Variants in ANKRD16 observed in about 807,000 individuals in gnomAD.
ANKRD16 encodes the protein ankyrin repeat domain-containing protein 16.
ANKRD16 carries 35 observed loss-of-function variants against 37.9 expected under a neutral mutation model. The ratio of observed to expected loss-of-function variants is 0.92; its 90% CI spans 0.71 to 1.23. ANKRD16 has a LOEUF of 1.23. ANKRD16 is among the 50% of genes most tolerant of loss of function. The pLI is 0.00. For missense variants in ANKRD16, 480 were observed against 469.9 expected (o/e 1.02, Z -0.20); for synonymous variants, 206 against 197.2 (o/e 1.04, Z -0.37).
Position 5,887,995 on chromosome 10 carries a change from A to G in ANKRD16, c.387T>C (p.Asn129=), listed in dbSNP as rs769183503. The part of the protein sequence containing the change: ...VIQELVEHGA[N]PLLKNKDGWN... ...AGCCATCTTTGTTCTTCAGGAGTGG[A>G]TTGGCGCCATGTTCCACCAGCTCCT... is the stretch of plus-strand genomic sequence containing the variant. The change falls in exon 2 of 8, where the codon AAT becomes AAC. Residue 129 remains asparagine, a synonymous_variant. Transcript: ENST00000380094. The G allele has an allele frequency of 6.2e-7, 1 of 1,614,178 alleles. No individual in the cohort carries two copies. Among genetic ancestry groups the G allele is most frequent in the Non-Finnish European group, 8.5e-7 (1 of 1,180,026 alleles).
Position 5,874,048 on chromosome 10 carries a change from G to A in ANKRD16, c.*33+4049C>T, listed in dbSNP as rs527437262. Among the ~76,000 whole-genome samples the A allele has an allele frequency of 1.5e-3, 227 of 151,864 alleles. 1 individual carries two copies. In the South Asian group the frequency reaches 0.021, roughly 14 times the overall value. ...TGGGATTACAGGCGGGTGCCACCAC[G>A]CCTGGCTAATTTTTGTATTTTTAGT... On this transcript the variant is annotated intron_variant, in intron 7 of 7. Transcript: ENST00000380094. This position sits in a 1 kb window ranked among gnomAD's most constrained non-coding sequence, Gnocchi z 4.7.
chr10:5,887,706 C>A (rs1042964384), intron 2 of ANKRD16, 141 bp downstream of exon 2: 1 of 186,344 alleles, frequency 5.4e-6, no homozygotes, highest in Non-Finnish European at 1.1e-5. Flanking sequence ...CCCCCTCCCC[C>A]CCAGATGTTC....
rs1842474800 is a variant in ANKRD16 at position 5,888,022 on chromosome 10, G to C, written c.360C>G (p.Ile120Met). Residue 120 changes from isoleucine (I) to methionine (M), a missense_variant, in exon 2 of 8, where the codon ATC (isoleucine) becomes ATG (methionine). Physicochemically the swap from Ile to Met is conservative, Grantham distance 10. Coordinates refer to ENST00000380094, the MANE Select transcript of ANKRD16 (RefSeq NM_019046.3). Reference sequence around the variant, plus strand: ...TGGCGCCATGTTCCACCAGCTCCTGGATCACCCCCAGGTTCTTCCTTGTGC... The same window carrying C: ...TGGCGCCATGTTCCACCAGCTCCTGCATCACCCCCAGGTTCTTCCTTGTGC... ...MACTRKNLGVIQELVEHGANP... is the reference protein window; with the variant it reads ...MACTRKNLGVMQELVEHGANP... 1 of 1,614,168 alleles carries C rather than the reference G, an allele frequency of 6.2e-7. No individual in the cohort carries two copies. Among genetic ancestry groups the C allele is most frequent in the South Asian group, 1.1e-5 (1 of 91,084 alleles).
In ANKRD16 at chr10:5,871,261, C is replaced by T. The variant is rs1193851278; in HGVS notation, c.*33+6836G>A. On this transcript the variant is annotated intron_variant, in intron 7 of 7. Transcript: ENST00000380094. The surrounding 1 kb of genome is among the most constrained non-coding windows in gnomAD (Gnocchi z 4.5). ...AATTAGCCAGGTGTGGAGGCGCACG[C>T]CTGTAATCCCAGCTACTCAGGAGGC... Among the ~76,000 whole-genome samples the T allele has an allele frequency of 6.6e-6, 1 of 152,106 alleles. No homozygotes were observed. The highest frequency in any genetic ancestry group is 2.4e-5 in the African/African-American group (1 of 41,406).
intron 7 of ANKRD16, among the ~76,000 whole-genome samples, chr10:5,877,173 C>T (rs751008762): frequency 5.5e-4 from 84 of 152,136 alleles, no homozygotes; most frequent in Non-Finnish European, 1.1e-3. Context: ...AGTGCAGTGG[C>T]GCTATCTCAG....
rs369942633 is a variant in ANKRD16, at chr10:5,871,111, G to T, written c.*33+6986C>A. 6.6e-6 allele frequency among the ~76,000 whole-genome samples: 1 copy of T among 152,192 alleles called. No individual in the cohort carries two copies. Among genetic ancestry groups the T allele is most frequent in the Admixed American group, 6.5e-5 (1 of 15,272 alleles). On this transcript the variant is annotated intron_variant, in intron 7 of 7. Transcript: ENST00000380094. The surrounding 1 kb of genome is among the most constrained non-coding windows in gnomAD (Gnocchi z 4.5). Reference sequence around the variant, plus strand: ...AGTAAAAATCATGTCACGCAGCCAGGCTTGGTGGTTCACGCCTGTAATCCC... The same window carrying T: ...AGTAAAAATCATGTCACGCAGCCAGTCTTGGTGGTTCACGCCTGTAATCCC...
rs960408198 is a variant in ANKRD16 at position 5,871,720 on chromosome 10, C to A, written c.*33+6377G>T. On this transcript the variant is annotated intron_variant, in intron 7 of 7. Coordinates refer to ENST00000380094, the MANE Select transcript of ANKRD16 (RefSeq NM_019046.3). This position sits in a 1 kb window ranked among gnomAD's most constrained non-coding sequence, Gnocchi z 4.5. ...TTCTAAGCCTACTTCCCACACCTTC[C>A]GAAGAGCCTTATCCCACAGAGCCCT... Among the ~76,000 whole-genome samples, 1 of 152,176 alleles carries A rather than the reference C, an allele frequency of 6.6e-6. No individual in the cohort carries two copies. Among genetic ancestry groups the A allele is most frequent in the Admixed American group, 6.5e-5 (1 of 15,274 alleles).
chr10:5,872,407 A>C (rs1842105335), intron 7 of ANKRD16, among the ~76,000 whole-genome samples: 4 of 152,070 alleles, frequency 2.6e-5, no homozygotes, highest in Admixed American at 1.3e-4. Flanking sequence ...TGAACCCAGG[A>C]GGTGCAGGCT....
Position 5,863,572 on chromosome 10 carries a change from G to A in ANKRD16, c.*34-881C>T, listed in dbSNP as rs1282225583. Among the ~76,000 whole-genome samples, 1 of 152,058 alleles carries A rather than the reference G, an allele frequency of 6.6e-6. No individual in the cohort carries two copies. Among genetic ancestry groups the A allele is most frequent in the Non-Finnish European group, 1.5e-5 (1 of 68,006 alleles). On this transcript the variant is annotated intron_variant, in intron 7 of 7. Coordinates refer to ENST00000380094, the MANE Select transcript of ANKRD16 (RefSeq NM_019046.3). The surrounding 1 kb of genome is among the most constrained non-coding windows in gnomAD (Gnocchi z 4.7). ...AGGACGTGGGCGGGGACAAATAAGA[G>A]AATAAAAGCTGGCCACCCCCTGCCA...
At chr10:5,886,539 C>G (rs1220674239) in intron 2 of ANKRD16, among the ~76,000 whole-genome samples, 1 of 152,066 alleles carries the variant, frequency 6.6e-6, no homozygotes, top group Admixed American at 6.6e-5. Flanking sequence ...TGCAGTGAGC[C>G]GAGATCGTGC....
At position 5,883,005 on chromosome 10, in the gene ANKRD16, C is replaced by T. The variant is rs759598569; in HGVS notation, c.849+1G>A. The T allele has an allele frequency of 2.0e-5, 32 of 1,613,000 alleles. No homozygotes were observed. Among genetic ancestry groups the T allele is most frequent in the Non-Finnish European group, 2.5e-5 (30 of 1,179,920 alleles). On this transcript the variant is annotated splice_donor_variant, in intron 5 of 7. Coordinates refer to ENST00000380094, the MANE Select transcript of ANKRD16 (RefSeq NM_019046.3). LOFTEE classifies it high-confidence loss of function. Reference sequence around the variant, plus strand: ...GGACAACGTTATAAGAAGTAACAAACCTTAGCTGCATAATGAAGTGCTGTG... The same window carrying T: ...GGACAACGTTATAAGAAGTAACAAATCTTAGCTGCATAATGAAGTGCTGTG...
intron 7 of ANKRD16, among the ~76,000 whole-genome samples, chr10:5,877,340 C>T (rs374399817): frequency 1.6e-4 from 25 of 152,252 alleles, no homozygotes; most frequent in African/African-American, 5.3e-4. Flanking sequence ...CTTGAACTCC[C>T]GGCCTCAAGT....
chr10:5,880,366 G>A lies in ANKRD16; in HGVS notation c.860C>T (p.Thr287Ile), dbSNP rs780713389. 6.3e-7 allele frequency: 1 copy of A among 1,597,054 alleles called. No homozygotes were observed. Among genetic ancestry groups the A allele is most frequent in the South Asian group, 1.1e-5 (1 of 87,406 alleles). The change falls in exon 6 of 8, where the codon ACA becomes ATA. Residue 287 changes from threonine (T) to isoleucine (I), a missense_variant. By Grantham distance (89) the Thr-to-Ile change is moderately conservative (BLOSUM62 -1). Coordinates refer to ENST00000380094, the MANE Select transcript of ANKRD16 (RefSeq NM_019046.3). ...GGATAAGAGAGTCTGAATTGTACTT[G>A]TATGTCCTTCCTGAATTGAAACAAA... is the stretch of plus-strand genomic sequence containing the variant. Reference protein sequence around the residue: ...ALHYAAKEGHTSTIQTLLSLG... With the variant: ...ALHYAAKEGHISTIQTLLSLG...
In ANKRD16 at chr10:5,871,959, C is replaced by T. The variant is rs1000152350; in HGVS notation, c.*33+6138G>A. ...CATATCTCCCACCCACTCGCATGGC[C>T]CAACCTCCAGTGATCAAATCCAACA... On this transcript the variant is annotated intron_variant, in intron 7 of 7. Coordinates refer to ENST00000380094, the MANE Select transcript of ANKRD16 (RefSeq NM_019046.3). The surrounding 1 kb of genome is among the most constrained non-coding windows in gnomAD (Gnocchi z 4.5). Among the ~76,000 whole-genome samples the T allele has an allele frequency of 1.3e-5, 2 of 152,248 alleles. No individual in the cohort carries two copies. Among genetic ancestry groups the T allele is most frequent in the Admixed American group, 1.3e-4 (2 of 15,298 alleles).
In ANKRD16 at chr10:5,889,817, C is replaced by G. The variant is rs1842579837; in HGVS notation, c.-463G>C. The G allele has an allele frequency of 6.4e-6, 1 of 156,402 alleles. No homozygotes were observed. 9.7% of individuals were successfully genotyped at this position (156,402 alleles called of 1,614,324 possible). A position where few individuals can be genotyped will look rare whatever the true frequency, so the allele number is the denominator to read the frequency against. On this transcript the variant is annotated 5_prime_UTR_variant, in exon 1 of 8. Coordinates refer to ENST00000380094, the MANE Select transcript of ANKRD16 (RefSeq NM_019046.3). ...CCGGGAGGGCGCGCACAGCCTCGCC[C>G]GGCGCCGTGCAGGGTGGCTCCTGAG...
At chr10:5,881,675 C>G (rs1029339833) in intron 5 of ANKRD16, among the ~76,000 whole-genome samples, 3 of 125,972 alleles carry the variant, frequency 2.4e-5, no homozygotes, top group African/African-American at 9.0e-5. Context: ...ACCATGTTGG[C>G]CAGGATGGTC....
Position 5,889,620 on chromosome 10 carries a change from G to A in ANKRD16, c.-266C>T. ...GGAGAAGCCGCGGTTCCGGGCACGG[G>A]GCGGTTTTTCCTCAGGGACGGAGCG... On this transcript the variant is annotated 5_prime_UTR_variant, in exon 1 of 8. Coordinates refer to ENST00000380094, the MANE Select transcript of ANKRD16 (RefSeq NM_019046.3). 4.7e-6 allele frequency: 1 copy of A among 213,142 alleles called. No homozygotes were observed. The highest frequency in any genetic ancestry group is 5.8e-5 in the Admixed American group (1 of 17,124). 13.2% of individuals were successfully genotyped at this position (213,142 alleles called of 1,614,324 possible).
At chr10:5,876,887 GA>G (rs1842194719) in intron 7 of ANKRD16, among the ~76,000 whole-genome samples, 1 of 151,708 alleles carries the variant, frequency 6.6e-6, no homozygotes, top group Admixed American at 6.6e-5. Flanking sequence ...GAAAGAAAAG[GA>G]AAAAAAAGTA....
intron 6 of ANKRD16, among the ~76,000 whole-genome samples, chr10:5,879,293 G>A (rs1157028759): frequency 6.6e-6 from 1 of 152,142 alleles, no homozygotes; most frequent in African/African-American, 2.4e-5. Context: ...GGCCAACATG[G>A]TGAAACCCTG....
Sources: allele counts gnomAD v4.1 joint callset (sites outside exome capture counted in the v4.1 genomes callset), GRCh38; gene constraint gnomAD v4.1.1; non-coding constraint Gnocchi (gnomAD v3.1); transcripts MANE v1.5; gene names NCBI Gene and HGNC (gene_info 2026-07-23, HGNC 2026-07-21).